The following ATP2A2 variants were observed in gnomAD, a reference collection of about 807,000 sequenced individuals.
ATP2A2 encodes the protein ATPase sarcoplasmic/endoplasmic reticulum Ca2+ transporting 2.
ATP2A2 carries 14 observed loss-of-function variants against 109.3 expected under a neutral mutation model. The ratio of observed to expected loss-of-function variants is 0.13; its 90% CI spans 0.08 to 0.20. The LOEUF (loss-of-function observed/expected upper bound fraction) is 0.20, where lower values mean the gene tolerates loss of function less well. Ranked by LOEUF, ATP2A2 falls within the 10% of genes least tolerant of loss-of-function variation. The probability of loss-of-function intolerance (pLI) is 1.00; values close to 1 mark genes in which losing one functional copy is unlikely to be tolerated. For synonymous variants in ATP2A2, 506 were observed against 490.9 expected (o/e 1.03, Z -0.41); for missense variants, 657 against 1,321.6 (o/e 0.50, Z 7.80).
Position 110,350,080 on chromosome 12 carries a change from C to G in ATP2A2, c.*3610C>G. 2.1e-6 allele frequency: 3 copies of G among 1,447,186 alleles called. No homozygotes were observed. Among genetic ancestry groups the G allele is most frequent in the Non-Finnish European group, 2.7e-6 (3 of 1,105,478 alleles). 89.6% of individuals were successfully genotyped at this position (1,447,186 alleles called of 1,614,324 possible). ...TCTGTAGCCAGACGACACGAGGAGT[C>G]TGTGTCACTGAGCCAGTGCTTCTAG... On this transcript the variant is annotated 3_prime_UTR_variant, in exon 20 of 20. Transcript: ENST00000539276.
At chr12:110,290,528 G>A (rs1324481948) in intron 3 of ATP2A2, among the ~76,000 whole-genome samples, 1 of 152,154 alleles carries the variant, frequency 6.6e-6, no homozygotes, top group Non-Finnish European at 1.5e-5. Flanking sequence ...AAAATGAATG[G>A]AATTTATTCC....
Position 110,348,077 on chromosome 12 carries a change from A to G in ATP2A2, c.*1607A>G, listed in dbSNP as rs1880051022. On this transcript the variant is annotated 3_prime_UTR_variant, in exon 20 of 20. Transcript: ENST00000539276. Reference sequence around the variant, plus strand: ...GCCGGAGTGGGGAGAGAGGCATTTCAGCCAGACCAACAGGCTGAAGGAGCT... The same window carrying G: ...GCCGGAGTGGGGAGAGAGGCATTTCGGCCAGACCAACAGGCTGAAGGAGCT... The G allele has an allele frequency of 1.0e-6, 1 of 986,422 alleles. No individual in the cohort carries two copies. The allele number at this position is 986,422 out of a possible 1,614,324, so 61.1% of individuals were successfully genotyped here. A position where few individuals can be genotyped will look rare whatever the true frequency, so the allele number is the denominator to read the frequency against.
At position 110,347,476 on chromosome 12, in the gene ATP2A2, T is replaced by C; in HGVS notation, c.*1006T>C. 7.8e-7 allele frequency: 1 copy of C among 1,289,132 alleles called. No homozygotes were observed. The highest frequency in any genetic ancestry group is 1.0e-6 in the Non-Finnish European group (1 of 988,690). 79.9% of individuals were successfully genotyped at this position (1,289,132 alleles called of 1,614,324 possible). On this transcript the variant is annotated 3_prime_UTR_variant, in exon 20 of 20. Transcript: ENST00000539276. ...TGTGTAGGTAGTCATAGGAATTGTATTCTTAATGTACAGGCACTAATTGTC... is the reference window on the plus strand; with the variant it reads ...TGTGTAGGTAGTCATAGGAATTGTACTCTTAATGTACAGGCACTAATTGTC...
chr12:110,295,865 A>T (rs1006829352), intron 4 of ATP2A2: 1 of 152,274 alleles, frequency 6.6e-6, no homozygotes, highest in Non-Finnish European at 1.5e-5. Context: ...AACTGGAGGG[A>T]TAGTTCTTAG....
chr12:110,347,040 CCCCACCTTA>C lies in ATP2A2; in HGVS notation c.*574_*582del, dbSNP rs1387119097. 15 of 877,514 alleles carry C rather than the reference CCCCACCTTA, an allele frequency of 1.7e-5. No individual in the cohort carries two copies. In the African/African-American group the frequency reaches 2.5e-4, roughly 14 times the overall value. The allele number at this position is 877,514 out of a possible 1,614,324, so 54.4% of individuals were successfully genotyped here. On this transcript the variant is annotated 3_prime_UTR_variant, in exon 20 of 20. Transcript: ENST00000539276. ...GTTCACCCCACCCCACCCCACCTCT[CCCCACCTTA>C]CCCCCGCCCCGCTTGGCTTCTTCTT...
At chr12:110,304,072 A>G (rs1874981948) in intron 5 of ATP2A2, among the ~76,000 whole-genome samples, 1 of 152,186 alleles carries the variant, frequency 6.6e-6, no homozygotes, top group African/African-American at 2.4e-5. Flanking sequence ...ATTGCATATA[A>G]ATGGAGTCAA....
chr12:110,332,589 C>G lies in ATP2A2; in HGVS notation c.1096-8C>G. The G allele has an allele frequency of 1.2e-6, 2 of 1,604,498 alleles. No homozygotes were observed. The highest frequency in any genetic ancestry group is 1.7e-6 in the Non-Finnish European group (2 of 1,171,260). On this transcript the variant is annotated splice_region_variant and splice_polypyrimidine_tract_variant and intron_variant, in intron 8 of 19. Transcript: ENST00000539276. ...TTTTAAATACTCTGATGCGCTCTCC[C>G]CCTACAGATGTTCATTCTGGACAGA...
At chr12:110,345,746 T>G in intron 18 of ATP2A2, 4 of 594,330 alleles carry the variant, frequency 6.7e-6, no homozygotes, top group Non-Finnish European at 1.2e-5. Context: ...AGCCCAAGTC[T>G]CCAGGGCAAT....
Position 110,340,046 on chromosome 12 carries a change from GTT to G in ATP2A2, c.1761+326_1761+327del, listed in dbSNP as rs1176671025. Among the ~76,000 whole-genome samples the G allele has an allele frequency of 6.6e-6, 1 of 151,986 alleles. No individual in the cohort carries two copies. The highest frequency in any genetic ancestry group is 2.4e-5 in the African/African-American group (1 of 41,362). ...GGTGACATTTCTAGAATATTCATTAGTTACTGAAGGTCAAAAGATCCAAGTTG... is the reference window on the plus strand; with the variant it reads ...GGTGACATTTCTAGAATATTCATTAGACTGAAGGTCAAAAGATCCAAGTTG... On this transcript the variant is annotated intron_variant, in intron 13 of 19. Transcript: ENST00000539276. The surrounding 1 kb of genome is among the most constrained non-coding windows in gnomAD (Gnocchi z 6.0).
chr12:110,349,791 A>T lies in ATP2A2; in HGVS notation c.*3321A>T, dbSNP rs1039080684. 15 of 1,017,106 alleles carry T rather than the reference A, an allele frequency of 1.5e-5. No homozygotes were observed. The highest frequency in any genetic ancestry group is 4.0e-5 in the South Asian group (1 of 24,874). The allele number at this position is 1,017,106 out of a possible 1,614,324, so 63.0% of individuals were successfully genotyped here. On this transcript the variant is annotated 3_prime_UTR_variant, in exon 20 of 20. Coordinates refer to ENST00000539276, the MANE Select transcript of ATP2A2 (RefSeq NM_170665.4). ...GTCCAAACACCCGCTGCAGTTAGCA[A>T]GAAGGGTAGGCTTCACCCTCCTTTA...
chr12:110,345,279 C>T lies in ATP2A2; in HGVS notation c.2638C>T (p.Pro880Ser). Reference sequence around the variant, plus strand: ...TTTCCTACAGTGTAAAGAGGACAACCCGGACTTTGAAGGCGTGGATTGTGC... The same window carrying T: ...TTTCCTACAGTGTAAAGAGGACAACTCGGACTTTGAAGGCGTGGATTGTGC... ...SHFLQCKEDN[P>S]DFEGVDCAIF... Residue 880 changes from proline (P) to serine (S), a missense_variant, in exon 18 of 20, where the codon CCG (proline) becomes TCG (serine). Physicochemically the swap from Pro to Ser is moderately conservative, Grantham distance 74. Around this residue, in one of 9 missense-constraint regions of ATP2A2, gnomAD observed 125 missense variants for 243.5 expected, o/e 0.51. Transcript: ENST00000539276. The T allele has an allele frequency of 1.9e-5, 30 of 1,614,116 alleles. No homozygotes were observed. Among genetic ancestry groups the T allele is most frequent in the Non-Finnish European group, 2.5e-5 (30 of 1,180,032 alleles).
intron 16 of ATP2A2, among the ~76,000 whole-genome samples, chr12:110,344,237 CTTG>C (rs1258298215): frequency 2.6e-5 from 4 of 152,134 alleles, no homozygotes; most frequent in Non-Finnish European, 5.9e-5. Flanking sequence ...GGTATATGCA[CTTG>C]TTGTTTTTGA....
chr12:110,312,467 T>C (rs1002235025), intron 5 of ATP2A2, among the ~76,000 whole-genome samples: 5 of 152,110 alleles, frequency 3.3e-5, no homozygotes, highest in Non-Finnish European at 7.4e-5. Context: ...CAAAAACATA[T>C]ATTGAAAATC....
intron 5 of ATP2A2, among the ~76,000 whole-genome samples, chr12:110,299,275 A>G (rs906335397): frequency 6.6e-6 from 1 of 151,774 alleles, no homozygotes; most frequent in Non-Finnish European, 1.5e-5. Context: ...CCTGGCCCAC[A>G]TTTTTTTTAA....
chr12:110,292,793 A>C (rs1230006789), intron 4 of ATP2A2, among the ~76,000 whole-genome samples: 1 of 152,152 alleles, frequency 6.6e-6, no homozygotes, highest in Non-Finnish European at 1.5e-5. Context: ...TCAGAAAAAC[A>C]TTGTTCATTC....
intron 3 of ATP2A2, among the ~76,000 whole-genome samples, chr12:110,285,713 A>C (rs1368853657): frequency 6.6e-6 from 1 of 152,168 alleles, no homozygotes; most frequent in African/African-American, 2.4e-5. Context: ...ATCTGTCTAA[A>C]TCATAAAGTC....
chr12:110,336,492 T>C (rs751649362), intron 11 of ATP2A2, among the ~76,000 whole-genome samples: 3 of 152,194 alleles, frequency 2.0e-5, no homozygotes, highest in Non-Finnish European at 4.4e-5. Flanking sequence ...GAGGGAGCAG[T>C]ATACCTGTTT....
At chr12:110,305,352 C>T (rs1019621606) in intron 5 of ATP2A2, among the ~76,000 whole-genome samples, 3 of 152,130 alleles carry the variant, frequency 2.0e-5, no homozygotes, top group African/African-American at 4.8e-5. Context: ...CAGTGAGCTA[C>T]TATGATCCTG....
At chr12:110,298,384 T>C (rs1395854033) in intron 5 of ATP2A2, among the ~76,000 whole-genome samples, 1 of 152,186 alleles carries the variant, frequency 6.6e-6, no homozygotes, top group African/African-American at 2.4e-5. Context: ...TTAAGAAGAG[T>C]ACAACTCAGA....
Sources: allele counts gnomAD v4.1 joint callset (sites outside exome capture counted in the v4.1 genomes callset), GRCh38; gene constraint gnomAD v4.1.1; regional missense constraint gnomAD v4.1.1; non-coding constraint Gnocchi (gnomAD v3.1); transcripts MANE v1.5; gene names NCBI Gene and HGNC (gene_info 2026-07-23, HGNC 2026-07-21).